Variants in MALRD1 observed in about 807,000 individuals in gnomAD.
MALRD1 encodes the protein MAM and LDL receptor class A domain containing 1.
A neutral mutation model predicts 242.1 loss-of-function variants in MALRD1; 247 were observed. That is an observed-to-expected ratio of 1.02 (90% CI 0.92 to 1.13). The LOEUF (loss-of-function observed/expected upper bound fraction) is 1.13. Ranked by LOEUF, MALRD1 falls within the 50% of genes most tolerant of loss-of-function variation. The pLI is 0.00. For missense variants in MALRD1, 2,989 were observed against 2,533.1 expected (o/e 1.18, Z -3.86); for synonymous variants, 995 against 866.6 (o/e 1.15, Z -2.60).
chr10:19,142,797 C>A (rs1833598087), intron 10 of MALRD1, among the ~76,000 whole-genome samples: 1 of 152,268 alleles, frequency 6.6e-6, no homozygotes, highest in African/African-American at 2.4e-5. Flanking sequence ...TGCCAGAATG[C>A]ATTTGACTCT....
intron 29 of MALRD1, among the ~76,000 whole-genome samples, chr10:19,478,426 C>T (rs1836840303): frequency 6.6e-6 from 1 of 152,152 alleles, no homozygotes; most frequent in Non-Finnish European, 1.5e-5. Context: ...GCACTCCCCT[C>T]TCAATATAGC....
At chr10:19,511,629 C>A (rs963655484) in intron 31 of MALRD1, among the ~76,000 whole-genome samples, 6 of 152,066 alleles carry the variant, frequency 3.9e-5, no homozygotes, top group Non-Finnish European at 8.8e-5. Context: ...AAGTCTAACC[C>A]TATAGAAGAA....
At chr10:19,692,178 A>G (rs1353728984) in intron 36 of MALRD1, 104 bp from the exon 37 acceptor site, 4 of 878,456 alleles carry the variant, frequency 4.6e-6, no homozygotes, top group Non-Finnish European at 6.6e-6. Flanking sequence ...TGTTCCTAGT[A>G]TCTCGTTATT....
chr10:19,711,581 G>C (rs546242429), intron 38 of MALRD1, among the ~76,000 whole-genome samples: 2 of 151,682 alleles, frequency 1.3e-5, no homozygotes, highest in African/African-American at 2.4e-5. Context: ...AGAAAGGGTT[G>C]GTGCAGAGGT....
At chr10:19,595,147 G>A in intron 33 of MALRD1, 47 bp from the exon 34 acceptor site, 2 of 1,511,738 alleles carry the variant, frequency 1.3e-6, no homozygotes, top group African/African-American at 1.4e-5. Flanking sequence ...ACTGGATGGA[G>A]GGAAACTCCC....
At chr10:19,087,709 C>T (rs545542339) in intron 2 of MALRD1, 131 bp from the exon 3 acceptor site, 41 of 425,030 alleles carry the variant, frequency 9.6e-5, no homozygotes, top group South Asian at 5.3e-4. Context: ...AATCCAATCA[C>T]GCTCTTTTAG....
intron 18 of MALRD1, among the ~76,000 whole-genome samples, chr10:19,237,795 ATATAAT>A (rs1838430694): frequency 8.0e-6 from 1 of 124,392 alleles, no homozygotes; most frequent in Non-Finnish European, 1.6e-5. Context: ...ATAATTTTAT[ATATAAT>A]TATAATTATA....
intron 29 of MALRD1, among the ~76,000 whole-genome samples, chr10:19,477,457 GAAAT>G (rs60939811): frequency 0.38 from 57,045 of 149,940 alleles, 10,882 homozygotes; most frequent in East Asian, 0.42. Flanking sequence ...AGAGTAGTTG[GAAAT>G]AAATAAATAA....
At chr10:19,684,774 A>G (rs932961194) in intron 36 of MALRD1, among the ~76,000 whole-genome samples, 2 of 152,146 alleles carry the variant, frequency 1.3e-5, no homozygotes, top group Non-Finnish European at 2.9e-5. Flanking sequence ...ATAAATAAAT[A>G]TAACCTGCTA....
intron 21 of MALRD1, among the ~76,000 whole-genome samples, chr10:19,286,707 C>A (rs1399513358): frequency 6.6e-6 from 1 of 151,188 alleles, no homozygotes; most frequent in East Asian, 1.9e-4. Flanking sequence ...GAGTCCAGGA[C>A]CAGATGGATT....
chr10:19,336,195 G>A (rs181435746), intron 24 of MALRD1, among the ~76,000 whole-genome samples: 9 of 152,290 alleles, frequency 5.9e-5, no homozygotes, highest in Admixed American at 5.9e-4. Context: ...AAAGTGATTT[G>A]TGTATCTAGG....
intron 2 of MALRD1, among the ~76,000 whole-genome samples, chr10:19,069,562 C>A (rs1323946591): frequency 6.6e-6 from 1 of 151,854 alleles, no homozygotes; most frequent in African/African-American, 2.4e-5. Context: ...TTTAGTATTT[C>A]TTGTAGTGCA....
At chr10:19,596,840 G>A (rs1475931293) in intron 34 of MALRD1, among the ~76,000 whole-genome samples, 1 of 151,356 alleles carries the variant, frequency 6.6e-6, no homozygotes, top group Non-Finnish European at 1.5e-5. Flanking sequence ...GGAAGTGGGG[G>A]AAGGAGGGAG....
Position 19,463,290 on chromosome 10 carries a change from C to T in MALRD1, c.5029+12800C>T, listed in dbSNP as rs1836036676. On this transcript the variant is annotated intron_variant, in intron 29 of 39. Coordinates refer to ENST00000454679, the MANE Select transcript of MALRD1 (RefSeq NM_001142308.3). ...ATCACGTGAACAGTACACAGTGAAC[C>T]CAATTTGTAGTTTTTTAATCCCTCA... 1.3e-5 allele frequency among the ~76,000 whole-genome samples: 2 copies of T among 151,752 alleles called. 1 individual carries two copies. Among genetic ancestry groups the T allele is most frequent in the South Asian group, 4.2e-4 (2 of 4,806 alleles).
At chr10:19,661,321 A>G (rs1268576522) in intron 36 of MALRD1, among the ~76,000 whole-genome samples, 4 of 152,208 alleles carry the variant, frequency 2.6e-5, no homozygotes, top group Non-Finnish European at 4.4e-5. Flanking sequence ...TACTGCTATA[A>G]AGACACATGC....
intron 28 of MALRD1, among the ~76,000 whole-genome samples, chr10:19,447,446 A>G (rs956681278): frequency 1.3e-5 from 2 of 150,770 alleles, no homozygotes; most frequent in African/African-American, 4.9e-5. Context: ...TAATTTACCC[A>G]TTTTTTTTTC....
At chr10:19,146,390 T>C in intron 11 of MALRD1, 46 bp downstream of exon 11, 1 of 1,200,402 alleles carries the variant, frequency 8.3e-7, no homozygotes, top group Non-Finnish European at 1.0e-6. Flanking sequence ...CTTTCTTGCA[T>C]GTTGTGGAAT....
intron 36 of MALRD1, among the ~76,000 whole-genome samples, chr10:19,648,865 G>A (rs1840754781): frequency 6.6e-6 from 1 of 152,088 alleles, no homozygotes; most frequent in Non-Finnish European, 1.5e-5. Context: ...GTACCCAATA[G>A]TTATCTTTCC....
At chr10:19,253,935 T>A (rs1839399275) in intron 18 of MALRD1, among the ~76,000 whole-genome samples, 1 of 151,970 alleles carries the variant, frequency 6.6e-6, no homozygotes, top group South Asian at 2.1e-4. Flanking sequence ...TCCCCCATAC[T>A]GTTCTCACAA....
Sources: allele counts gnomAD v4.1 joint callset (sites outside exome capture counted in the v4.1 genomes callset), GRCh38; gene constraint gnomAD v4.1.1; transcripts MANE v1.5; gene names NCBI Gene and HGNC (gene_info 2026-07-23, HGNC 2026-07-21).